Variants in TRABD observed in about 807,000 individuals in gnomAD.
TRABD encodes the protein traB domain-containing protein.
Under a neutral mutation model 39.6 loss-of-function variants are expected in TRABD, and 23 were observed. The observed-to-expected ratio is 0.58, with a 90% confidence interval of 0.42 to 0.82. The LOEUF (loss-of-function observed/expected upper bound fraction) is 0.82, where lower values mean the gene tolerates loss of function less well. Ranked by LOEUF, TRABD falls within the 40% of genes least tolerant of loss-of-function variation. The pLI is 0.00. For synonymous variants in TRABD, 243 were observed against 232.1 expected, an observed-to-expected ratio of 1.05 and a Z score of -0.43; for missense variants, 487 against 544.9, an observed-to-expected ratio of 0.89 and a Z score of 1.06.
chr22:50,188,662 C>T (rs2147086575), intron 1 of TRABD, among the ~76,000 whole-genome samples: 1 of 152,338 alleles, frequency 6.6e-6, no homozygotes, highest in South Asian at 2.1e-4. Context: ...GCCCTGCCTT[C>T]TAATACCTTC....
chr22:50,198,219 C>G lies in TRABD; in HGVS notation c.956+33C>G. The stretch of plus-strand genomic sequence containing the variant: ...CCCGCCCCTCCCTGCAAGCCCCACC[C>G]CACAAGCCCCCAGGTGGAGGCTGAG... On this transcript the variant is annotated intron_variant, in intron 9 of 9. Transcript: ENST00000380909. The surrounding 1 kb of genome is among the most constrained non-coding windows in gnomAD (Gnocchi z 7.9). 6.3e-7 allele frequency: 1 copy of G among 1,575,934 alleles called. No homozygotes were observed. Among genetic ancestry groups the G allele is most frequent in the Non-Finnish European group, 8.6e-7 (1 of 1,158,710 alleles).
At chr22:50,196,105 G>C (rs2064093707) in intron 5 of TRABD, among the ~76,000 whole-genome samples, 1 of 152,200 alleles carries the variant, frequency 6.6e-6, no homozygotes, top group African/African-American at 2.4e-5. Flanking sequence ...GCGTGGGGCA[G>C]GGTCTGGGAG....
At chr22:50,193,716 G>A in intron 3 of TRABD, 62 bp downstream of exon 3, 1 of 1,540,770 alleles carries the variant, frequency 6.5e-7, no homozygotes, top group African/African-American at 1.4e-5. Flanking sequence ...CAGGGAGGAG[G>A]GGGAGGCAGC....
rs959109210 is a variant in TRABD, at chr22:50,193,160, C to T, written c.33+67C>T. On this transcript the variant is annotated intron_variant, in intron 2 of 9. Coordinates refer to ENST00000380909, the MANE Select transcript of TRABD (RefSeq NM_001320485.2). The stretch of plus-strand genomic sequence containing the variant: ...GGGGCTTCCCCGCTTTGTGGGCTCT[C>T]GGGGTCGGTCCCTGGCTGTTGTTCT... The T allele has an allele frequency of 4.5e-5, 67 of 1,479,634 alleles. No individual in the cohort carries two copies. In the African/African-American group the frequency reaches 6.2e-4, roughly 14 times the overall value. 91.7% of individuals were successfully genotyped at this position (1,479,634 alleles called of 1,614,324 possible).
rs577610756 is a variant in TRABD at position 50,198,215 on chromosome 22, C to T, written c.956+29C>T. ...AGTGCCCGCCCCTCCCTGCAAGCCC[C>T]ACCCCACAAGCCCCCAGGTGGAGGC... On this transcript the variant is annotated intron_variant, in intron 9 of 9. Transcript: ENST00000380909. The surrounding 1 kb of genome is among the most constrained non-coding windows in gnomAD (Gnocchi z 7.9). 3.2e-6 allele frequency: 5 copies of T among 1,583,188 alleles called. No individual in the cohort carries two copies. In the South Asian group the frequency reaches 4.6e-5, roughly 14 times the overall value.
At position 50,198,256 on chromosome 22, in the gene TRABD, C is replaced by A; in HGVS notation, c.956+70C>A. The A allele has an allele frequency of 6.5e-7, 1 of 1,534,232 alleles. No individual in the cohort carries two copies. Among genetic ancestry groups the A allele is most frequent in the Non-Finnish European group, 8.9e-7 (1 of 1,128,394 alleles). ...AGGTGGAGGCTGAGCGCCCTGGAGG[C>A]CAACCACATGCGGCAGTGACCCAGG... On this transcript the variant is annotated intron_variant, in intron 9 of 9. Coordinates refer to ENST00000380909, the MANE Select transcript of TRABD (RefSeq NM_001320485.2). This position sits in a 1 kb window ranked among gnomAD's most constrained non-coding sequence, Gnocchi z 7.9.
rs2147143624 is a variant in TRABD, at chr22:50,198,342, C to T, written c.957-3C>T. 1 of 1,563,618 alleles carries T rather than the reference C, an allele frequency of 6.4e-7. No homozygotes were observed. The highest frequency in any genetic ancestry group is 8.6e-7 in the Non-Finnish European group (1 of 1,157,986). On this transcript the variant is annotated splice_polypyrimidine_tract_variant and splice_region_variant and intron_variant, in intron 9 of 9. Transcript: ENST00000380909. This position sits in a 1 kb window ranked among gnomAD's most constrained non-coding sequence, Gnocchi z 7.9. Reference sequence around the variant, plus strand: ...CAGGCCCAGCGCCCCCTCCCTCCCACAGCGTGCCCCCGCCGTCCGTCTCCG... The same window carrying T: ...CAGGCCCAGCGCCCCCTCCCTCCCATAGCGTGCCCCCGCCGTCCGTCTCCG...
At chr22:50,193,975 G>A (rs1200737172) in intron 3 of TRABD, among the ~76,000 whole-genome samples, 1 of 152,240 alleles carries the variant, frequency 6.6e-6, no homozygotes, top group Non-Finnish European at 1.5e-5. Context: ...CCTGAGTGGG[G>A]TGGGGGGGCC....
At chr22:50,194,745 G>C (rs2064037600) in intron 4 of TRABD, among the ~76,000 whole-genome samples, 155 bp from the exon 5 acceptor site, 1 of 152,266 alleles carries the variant, frequency 6.6e-6, no homozygotes, top group Admixed American at 6.5e-5. Context: ...TCGTCGCTTA[G>C]AGAATTGAGC....
Position 50,199,322 on chromosome 22 carries a change from T to TTGGCCCTCTCTGGGCA in TRABD, c.*803_*804insTGGCCCTCTCTGGGCA. On this transcript the variant is annotated 3_prime_UTR_variant, in exon 10 of 10. Coordinates refer to ENST00000380909, the MANE Select transcript of TRABD (RefSeq NM_001320485.2). Reference sequence around the variant, plus strand: ...CTTGGCCCTCTCTGGGCAGACAATGTGTGCACCTATGTGGAAGGCCAAGGA... The same window carrying TTGGCCCTCTCTGGGCA: ...CTTGGCCCTCTCTGGGCAGACAATGTTGGCCCTCTCTGGGCAGTGCACCTATGTGGAAGGCCAAGGA... The TTGGCCCTCTCTGGGCA allele has an allele frequency of 1.8e-6, 1 of 549,160 alleles. No individual in the cohort carries two copies. The highest frequency in any genetic ancestry group is 3.2e-5 in the Admixed American group (1 of 30,928). The allele number at this position is 549,160 out of a possible 1,614,324, so 34.0% of individuals were successfully genotyped here.
At chr22:50,190,966 G>T (rs2147097374) in intron 1 of TRABD, among the ~76,000 whole-genome samples, 1 of 152,360 alleles carries the variant, frequency 6.6e-6, no homozygotes, top group Non-Finnish European at 1.5e-5. Context: ...AGCCCAGGTG[G>T]CAAGGAGTGG....
In TRABD at chr22:50,194,525, C is replaced by T; in HGVS notation, c.279+19C>T. 1 of 1,560,250 alleles carries T rather than the reference C, an allele frequency of 6.4e-7. No homozygotes were observed. Among genetic ancestry groups the T allele is most frequent in the Non-Finnish European group, 8.7e-7 (1 of 1,152,476 alleles). ...TGTGAAGGTGAGCGCCGCCACCCGCCACATCCCGGACACGGGTTGGTGTAA... is the reference window on the plus strand; with the variant it reads ...TGTGAAGGTGAGCGCCGCCACCCGCTACATCCCGGACACGGGTTGGTGTAA... On this transcript the variant is annotated intron_variant, in intron 4 of 9. Coordinates refer to ENST00000380909, the MANE Select transcript of TRABD (RefSeq NM_001320485.2).
In TRABD at chr22:50,197,877, C is replaced by A; in HGVS notation, c.726C>A (p.Ala242=). Residue 242 remains alanine (A), a synonymous_variant, in exon 8 of 10, where the codon GCC becomes GCA. Coordinates refer to ENST00000380909, the MANE Select transcript of TRABD (RefSeq NM_001320485.2). The stretch of plus-strand genomic sequence containing the variant: ...AGGACCTACTGGAGCAGATGATGGC[C>A]GAGATGATTGGCGAGTTCCCAGACC... The part of the protein sequence containing the change: ...KQKDLLEQMM[A]EMIGEFPDLH... 6.2e-7 allele frequency: 1 copy of A among 1,612,404 alleles called. No individual in the cohort carries two copies. The highest frequency in any genetic ancestry group is 8.5e-7 in the Non-Finnish European group (1 of 1,179,786).
chr22:50,192,103 A>C (rs546579223), intron 1 of TRABD: 2 of 152,436 alleles, frequency 1.3e-5, no homozygotes, highest in East Asian at 1.9e-4. Flanking sequence ...TGACACATCC[A>C]TCCGCCAGGA....
In TRABD at chr22:50,190,865, C is replaced by T. The variant is rs988461541; in HGVS notation, c.-34-2162C>T. Among the ~76,000 whole-genome samples the T allele has an allele frequency of 7.9e-5, 12 of 152,202 alleles. No individual in the cohort carries two copies. In the South Asian group the frequency reaches 1.2e-3, roughly 16 times the overall value. On this transcript the variant is annotated intron_variant, in intron 1 of 9. Coordinates refer to ENST00000380909, the MANE Select transcript of TRABD (RefSeq NM_001320485.2). ...AGGGGAAGGAGGCGGCCCAAGGGTC[C>T]GGGGCCTGGTCCTGCTGTGACCGGT...
intron 3 of TRABD, 77 bp downstream of exon 3, chr22:50,193,731 C>G: frequency 1.4e-6 from 2 of 1,410,944 alleles, no homozygotes; most frequent in Non-Finnish European, 2.0e-6. Flanking sequence ...GGCAGCCAAC[C>G]ACTGCCAGGG....
At chr22:50,195,597 G>A (rs1165726246) in intron 5 of TRABD, among the ~76,000 whole-genome samples, 2 of 151,990 alleles carry the variant, frequency 1.3e-5, no homozygotes, top group Non-Finnish European at 2.9e-5. Flanking sequence ...TGAGTAGCTG[G>A]GATTACAGGT....
At position 50,199,250 on chromosome 22, in the gene TRABD, G is replaced by A; in HGVS notation, c.*731G>A. 1.5e-6 allele frequency: 1 copy of A among 646,786 alleles called. No homozygotes were observed. Among genetic ancestry groups the A allele is most frequent in the Non-Finnish European group, 2.9e-6 (1 of 350,118 alleles). The allele number at this position is 646,786 out of a possible 1,614,324, so 40.1% of individuals were successfully genotyped here. A position where few individuals can be genotyped will look rare whatever the true frequency, so the allele number is the denominator to read the frequency against. Reference sequence around the variant, plus strand: ...TCTGGGTCCAGGCGTGGCCTCAGCTGGGAGCCTGTGTCCTGAGCCCCCGGA... The same window carrying A: ...TCTGGGTCCAGGCGTGGCCTCAGCTAGGAGCCTGTGTCCTGAGCCCCCGGA... On this transcript the variant is annotated 3_prime_UTR_variant, in exon 10 of 10. Coordinates refer to ENST00000380909, the MANE Select transcript of TRABD (RefSeq NM_001320485.2).
chr22:50,187,674 G>A (rs1289161899), intron 1 of TRABD, among the ~76,000 whole-genome samples: 1 of 152,210 alleles, frequency 6.6e-6, no homozygotes, highest in South Asian at 2.1e-4. Context: ...CACAGACCAG[G>A]AAACTTTAAA....
Sources: allele counts gnomAD v4.1 joint callset (sites outside exome capture counted in the v4.1 genomes callset), GRCh38; gene constraint gnomAD v4.1.1; non-coding constraint Gnocchi (gnomAD v3.1); transcripts MANE v1.5; gene names NCBI Gene and HGNC (gene_info 2026-07-23, HGNC 2026-07-21).